The following TRMT2B variants were observed in gnomAD, a reference collection of about 807,000 sequenced individuals.
The protein encoded by TRMT2B is tRNA methyltransferase 2B, also known as tRNA (uracil-5-)-methyltransferase homolog B.
TRMT2B carries 34 observed loss-of-function variants against 39.7 expected under a neutral mutation model. That is an observed-to-expected ratio of 0.86 (90% CI 0.65 to 1.14). TRMT2B has a LOEUF of 1.14. Among genes scored for constraint, TRMT2B ranks in the 50% most tolerant of loss-of-function variants. TRMT2B has a pLI of 0.00. For missense variants in TRMT2B, 318 were observed against 377.2 expected (o/e 0.84, Z 1.30); for synonymous variants, 132 against 137.3 (o/e 0.96, Z 0.27).
chrX:101,017,841 G>A (rs762277994), intron 13 of TRMT2B, among the ~76,000 whole-genome samples: 1 of 112,196 alleles, frequency 8.9e-6, no homozygotes, highest in Non-Finnish European at 1.9e-5. Flanking sequence ...CTGAGGCGGG[G>A]TTCAACAAGC....
chrX:100,996,488 C>T, the TRMT2B span, among the ~76,000 whole-genome samples: 1 of 111,884 alleles, frequency 8.9e-6, no homozygotes, highest in African/African-American at 3.2e-5. Flanking sequence ...CTGATCATTA[C>T]ACATTGTATG....
chrX:100,976,713 A>G, the TRMT2B span, among the ~76,000 whole-genome samples: 2 of 112,271 alleles, frequency 1.8e-5, no homozygotes, highest in Non-Finnish European at 3.8e-5. Context: ...CCTGGATTCA[A>G]CCGATTCTCC....
the TRMT2B span, among the ~76,000 whole-genome samples, chrX:100,991,374 TTTTTGTTTTG>T: frequency 9.5e-6 from 1 of 104,714 alleles, no homozygotes; most frequent in African/African-American, 3.4e-5. Context: ...CAGTGCTAAG[TTTTTGTTTTG>T]TTTTGTTTTG....
At chrX:100,995,487 A>G in the TRMT2B span, among the ~76,000 whole-genome samples, 172 of 112,078 alleles carry the variant, frequency 1.5e-3, 1 homozygote, top group African/African-American at 5.5e-3. Context: ...GTGCCCAGTA[A>G]GTGCCAGGAT....
rs1489679516 is a variant in TRMT2B, at chrX:101,019,003, C to A, written c.1356G>T (p.Lys452Asn). ...CATTCCTAGTGGATTCACCATGGAG[C>A]TTGCAGGAAACAAAAACTAGCGTGT... ...AIHTLVFVSCKLHGESTRNVI... is the reference protein window; with the variant it reads ...AIHTLVFVSCNLHGESTRNVI... Residue 452 changes from lysine to asparagine, a missense_variant, in exon 13 of 14, where the codon AAG becomes AAT. Lys to Asn is a moderately conservative substitution (Grantham distance 94). Transcript: ENST00000372936. 1 of 1,206,029 alleles carries A rather than the reference C, an allele frequency of 8.3e-7. No individual in the cohort carries two copies. Among genetic ancestry groups the A allele is most frequent in the East Asian group, 3.0e-5 (1 of 33,767 alleles).
chrX:101,001,567 T>A, the TRMT2B span, among the ~76,000 whole-genome samples: 2 of 110,091 alleles, frequency 1.8e-5, no homozygotes, highest in Non-Finnish European at 3.8e-5. Flanking sequence ...CATTCTACAC[T>A]GAAAGGAACC....
At chrX:101,027,406 ATTT>A (rs751653222) in intron 7 of TRMT2B, among the ~76,000 whole-genome samples, 5 of 90,763 alleles carry the variant, frequency 5.5e-5, no homozygotes, top group African/African-American at 4.0e-5. Context: ...TAATTTTTGC[ATTT>A]TTTTTTTTTT....
rs1168727839 is a variant in TRMT2B, at chrX:101,049,487, C to CAA, written c.-24+1762_-24+1763dup. Among the ~76,000 whole-genome samples the CAA allele has an allele frequency of 6.0e-3, 129 of 21,570 alleles. 3 individuals are homozygous for CAA. The highest frequency in any genetic ancestry group is 0.022 in the African/African-American group (91 of 4,093). 18.7% of individuals were successfully genotyped at this position (21,570 alleles called of 115,157 possible). On this transcript the variant is annotated intron_variant, in intron 2 of 13. Coordinates refer to ENST00000372936, the MANE Select transcript of TRMT2B (RefSeq NM_024917.6). The stretch of plus-strand genomic sequence containing the variant: ...CAGCCCGGGAGGGAGACCCTGTCTC[C>CAA]AAAAAAAAAAAAAAAAAAAAAAAAA...
intron 7 of TRMT2B, among the ~76,000 whole-genome samples, chrX:101,029,950 A>T (rs998717367): frequency 1.6e-4 from 18 of 111,600 alleles, no homozygotes; most frequent in African/African-American, 5.9e-4. Flanking sequence ...TTTGGCTAAA[A>T]AGTCTAGATG....
the TRMT2B span, among the ~76,000 whole-genome samples, chrX:100,989,525 G>T: frequency 4.6e-5 from 5 of 108,279 alleles, no homozygotes; most frequent in African/African-American, 1.7e-4. Flanking sequence ...CAGGAGAATC[G>T]CTTGAACCCA....
chrX:101,007,841 G>C (rs1430985609), downstream of TRMT2B, among the ~76,000 whole-genome samples: 3 of 110,962 alleles, frequency 2.7e-5, no homozygotes, highest in African/African-American at 9.8e-5. Context: ...GGTATTTCAG[G>C]TGTGTGCCAT....
At chrX:101,030,376 G>A (rs2087372162) in intron 7 of TRMT2B, among the ~76,000 whole-genome samples, 2 of 109,120 alleles carry the variant, frequency 1.8e-5, no homozygotes, top group Admixed American at 2.0e-4. Flanking sequence ...ACCCATCAAA[G>A]TTCAGAACTT....
the TRMT2B span, among the ~76,000 whole-genome samples, chrX:100,993,119 C>T: frequency 8.9e-6 from 1 of 111,906 alleles, no homozygotes; most frequent in African/African-American, 3.2e-5. Context: ...TGAAAGGAAC[C>T]TTACAGAGCC....
At chrX:101,015,769 TTGAGA>T in intron 13 of TRMT2B, 5 of 202,003 alleles carry the variant, frequency 2.5e-5, no homozygotes, top group Non-Finnish European at 3.6e-5. Context: ...AATAGTCTTA[TTGAGA>T]TAATTTGCAT....
chrX:101,018,994 A>G lies in TRMT2B; in HGVS notation c.1365T>C (p.Gly455=). ...ACTCAATGACATTCCTAGTGGATTCACCATGGAGCTTGCAGGAAACAAAAA... is the reference window on the plus strand; with the variant it reads ...ACTCAATGACATTCCTAGTGGATTCGCCATGGAGCTTGCAGGAAACAAAAA... ...TLVFVSCKLH[G]ESTRNVIELC... Residue 455 remains glycine, a synonymous_variant, in exon 13 of 14, where the codon GGT becomes GGC. Coordinates refer to ENST00000372936, the MANE Select transcript of TRMT2B (RefSeq NM_024917.6). 1 of 1,204,993 alleles carries G rather than the reference A, an allele frequency of 8.3e-7. No individual in the cohort carries two copies. Among genetic ancestry groups the G allele is most frequent in the Non-Finnish European group, 1.1e-6 (1 of 889,116 alleles).
rs1269101839 is a variant in TRMT2B at position 101,009,771 on chromosome X, A to ATTAATTC, written c.*809_*810insGAATTAA. ...AACCCAAAAGAATTAATCTCATCTG[A>ATTAATTC]TGATCACTCAGTCACCCTGTATTCA... On this transcript the variant is annotated 3_prime_UTR_variant, in exon 14 of 14. Transcript: ENST00000372936. The ATTAATTC allele has an allele frequency of 9.8e-6, 1 of 101,820 alleles. No individual in the cohort carries two copies. Among genetic ancestry groups the ATTAATTC allele is most frequent in the Admixed American group, 1.2e-4 (1 of 8,452 alleles). The allele number at this position is 101,820 out of a possible 1,213,427, so 8.4% of individuals were successfully genotyped here. A position where few individuals can be genotyped will look rare whatever the true frequency, so the allele number is the denominator to read the frequency against.
intron 11 of TRMT2B, among the ~76,000 whole-genome samples, chrX:101,019,743 C>G (rs2086703000): frequency 9.2e-6 from 1 of 108,519 alleles, no homozygotes; most frequent in Non-Finnish European, 1.9e-5. Context: ...AAGCAATTCT[C>G]TGCCTCAGCC....
chrX:101,025,728 G>A lies in TRMT2B; in HGVS notation c.610-2112C>T, dbSNP rs762472108. ...AATTCCAGCACTTTGAGAGGCCGAG[G>A]TGGGCAGATCATTTGAGGTCAGGGG... On this transcript the variant is annotated intron_variant, in intron 7 of 13. Coordinates refer to ENST00000372936, the MANE Select transcript of TRMT2B (RefSeq NM_024917.6). 2.7e-5 allele frequency among the ~76,000 whole-genome samples: 3 copies of A among 111,482 alleles called. No homozygotes were observed. The South Asian group carries it at 1.1e-3, about 42-fold the overall frequency.
At chrX:100,987,590 G>C in the TRMT2B span, 11 of 1,195,442 alleles carry the variant, frequency 9.2e-6, no homozygotes, top group African/African-American at 1.2e-4. Flanking sequence ...TTGCTGATAA[G>C]AAAAGCTGCA....
Sources: gnomAD v4.1 joint callset for allele counts (sites outside exome capture counted in the v4.1 genomes callset) on GRCh38, gnomAD v4.1.1 for gene constraint, MANE v1.5 for transcripts, NCBI Gene and HGNC (gene_info 2026-07-23, HGNC 2026-07-21) for gene names.